Variants in DLGAP4 observed in about 807,000 individuals in gnomAD.
The protein encoded by DLGAP4 is DLG associated protein 4.
Under a neutral mutation model 86.9 loss-of-function variants are expected in DLGAP4, and 18 were observed. The observed-to-expected ratio is 0.21, with a 90% CI of 0.14 to 0.31. The LOEUF is 0.31. DLGAP4 is among the 10% of genes least tolerant of loss of function. DLGAP4 has a pLI of 1.00. For missense variants in DLGAP4, 1,085 were observed against 1,362.6 expected, an observed-to-expected ratio of 0.80 and a Z score of 3.21; for synonymous variants, 548 against 574.3, an observed-to-expected ratio of 0.95 and a Z score of 0.65.
At chr20:36,331,327 G>T (rs1006764819) in intron 1 of DLGAP4, among the ~76,000 whole-genome samples, 1 of 152,234 alleles carries the variant, frequency 6.6e-6, no homozygotes, top group Non-Finnish European at 1.5e-5. Context: ...CCCAGCCACC[G>T]GGAGGCCCAT....
chr20:36,386,600 G>C (rs1364468130), intron 2 of DLGAP4, among the ~76,000 whole-genome samples: 3 of 152,068 alleles, frequency 2.0e-5, no homozygotes. Flanking sequence ...TTGGGGGAAG[G>C]GGGAGACAGG....
chr20:36,499,614 AGAG>A lies in DLGAP4; in HGVS notation c.2041_2043del (p.Glu681del), dbSNP rs1485530944. 4.3e-6 allele frequency: 7 copies of A among 1,613,922 alleles called. 1 individual carries two copies. The highest frequency in any genetic ancestry group is 5.9e-6 in the Non-Finnish European group (7 of 1,180,012). On this transcript the variant is annotated inframe_deletion, in exon 9 of 13. Coordinates refer to ENST00000339266, the MANE Select transcript of DLGAP4 (RefSeq NM_001365621.2). ...TTGACTGCATTCAGCCAGTGCCAAA[AGAG>A]GAGCCCAGTCCCGCTACCAAATTCC... is the stretch of plus-strand genomic sequence containing the variant.
chr20:36,455,326 T>C, intron 7 of DLGAP4, among the ~76,000 whole-genome samples: 1 of 151,878 alleles, frequency 6.6e-6, no homozygotes, highest in East Asian at 1.9e-4. Flanking sequence ...CTCCCCGTCC[T>C]CCCTTTCTGT....
chr20:36,517,345 T>A (rs1422589946), intron 10 of DLGAP4, among the ~76,000 whole-genome samples: 1 of 152,114 alleles, frequency 6.6e-6, no homozygotes, highest in African/African-American at 2.4e-5. Flanking sequence ...GCCACTGCAC[T>A]CCAGTCTGGA....
At chr20:36,453,223 C>T (rs1386320750) in intron 7 of DLGAP4, among the ~76,000 whole-genome samples, 1 of 152,152 alleles carries the variant, frequency 6.6e-6, no homozygotes, top group Non-Finnish European at 1.5e-5. Flanking sequence ...ATCCCAGCAC[C>T]GTAGGGAGGA....
At chr20:36,387,360 AC>A (rs997281942) in intron 2 of DLGAP4, among the ~76,000 whole-genome samples, 1 of 152,194 alleles carries the variant, frequency 6.6e-6, no homozygotes, top group African/African-American at 2.4e-5. Context: ...TTTATGCGTC[AC>A]ATCTTTTTCT....
intron 2 of DLGAP4, among the ~76,000 whole-genome samples, chr20:36,406,497 G>A (rs1007327952): frequency 6.6e-5 from 10 of 151,820 alleles, no homozygotes; most frequent in Admixed American, 1.3e-4. Context: ...TCACAGGGCT[G>A]GGTCTGTTCT....
At chr20:36,456,929 C>G (rs1235807769) in intron 7 of DLGAP4, among the ~76,000 whole-genome samples, 1 of 152,232 alleles carries the variant, frequency 6.6e-6, no homozygotes, top group Non-Finnish European at 1.5e-5. Context: ...AGCACCTGAG[C>G]CTTGCAATCA....
In DLGAP4 at chr20:36,509,336, C is replaced by T. The variant is rs144158559; in HGVS notation, c.2512+8725C>T. On this transcript the variant is annotated intron_variant, in intron 10 of 12. Transcript: ENST00000339266. ...TTATAATCCCAGCACTTTGGGAGGC[C>T]GAGGCGGGAGGATCACCTGAGATCA... Among the ~76,000 whole-genome samples, 355 of 152,130 alleles carry T rather than the reference C, an allele frequency of 2.3e-3. 7 individuals carry two copies. The East Asian group carries it at 0.063, about 27-fold the overall frequency.
At chr20:36,348,213 T>C (rs531537000) in intron 1 of DLGAP4, among the ~76,000 whole-genome samples, 2 of 152,358 alleles carry the variant, frequency 1.3e-5, no homozygotes, top group South Asian at 2.1e-4. Flanking sequence ...GGAGTTCAGT[T>C]ACTGAAGAAG....
intron 12 of DLGAP4, among the ~76,000 whole-genome samples, chr20:36,526,542 A>G (rs1383272390): frequency 6.6e-6 from 1 of 151,898 alleles, no homozygotes; most frequent in Non-Finnish European, 1.5e-5. Flanking sequence ...GCTCCCGGTG[A>G]TTCAACATGA....
At chr20:36,337,022 G>A (rs1555892161) in intron 1 of DLGAP4, among the ~76,000 whole-genome samples, 1 of 152,208 alleles carries the variant, frequency 6.6e-6, no homozygotes, top group African/African-American at 2.4e-5. Flanking sequence ...GAGGAAGGCG[G>A]AGGGAGCTGG....
intron 2 of DLGAP4, among the ~76,000 whole-genome samples, chr20:36,399,063 CAT>C (rs2032080059): frequency 6.6e-6 from 1 of 152,118 alleles, no homozygotes; most frequent in South Asian, 2.1e-4. Flanking sequence ...CATGGTGGTG[CAT>C]ATCTGTAATC....
At chr20:36,475,047 G>A (rs2034847691) in intron 7 of DLGAP4, among the ~76,000 whole-genome samples, 1 of 152,106 alleles carries the variant, frequency 6.6e-6, no homozygotes. Flanking sequence ...AGGCAGTCAA[G>A]GGCCGACTGG....
chr20:36,424,133 G>A (rs149816490), intron 2 of DLGAP4, among the ~76,000 whole-genome samples: 7 of 152,298 alleles, frequency 4.6e-5, no homozygotes, highest in African/African-American at 1.4e-4. Flanking sequence ...TGCATGAGAA[G>A]TTTCCTGGGA....
At chr20:36,365,742 T>C (rs1555894591) in intron 1 of DLGAP4, among the ~76,000 whole-genome samples, 1 of 152,206 alleles carries the variant, frequency 6.6e-6, no homozygotes, top group Admixed American at 6.5e-5. Context: ...TAAGGAGAGA[T>C]GGTGAGGCCT....
chr20:36,432,827 T>C lies in DLGAP4; in HGVS notation c.999+111T>C. 7.2e-7 allele frequency: 1 copy of C among 1,385,724 alleles called. No individual in the cohort carries two copies. Among genetic ancestry groups the C allele is most frequent in the Admixed American group, 2.3e-5 (1 of 44,092 alleles). The allele number at this position is 1,385,724 out of a possible 1,614,324, so 85.8% of individuals were successfully genotyped here. ...GGAAAGTCACTTCATTCTGGGCCTC[T>C]GTGGCTCAGCTATAAAATGGGTGGC... On this transcript the variant is annotated intron_variant, in intron 3 of 12. Transcript: ENST00000339266. This position sits in a 1 kb window ranked among gnomAD's most constrained non-coding sequence, Gnocchi z 6.5.
At chr20:36,374,421 T>G (rs2031070262) in intron 2 of DLGAP4, among the ~76,000 whole-genome samples, 1 of 152,122 alleles carries the variant, frequency 6.6e-6, no homozygotes, top group Admixed American at 6.5e-5. Context: ...AAACAATGTG[T>G]CAAAGTCCCA....
chr20:36,497,383 C>T (rs887401603), intron 8 of DLGAP4: 7 of 1,199,926 alleles, frequency 5.8e-6, no homozygotes, highest in African/African-American at 4.6e-5. Flanking sequence ...CTGTCCACTC[C>T]ACCCTTTGCC....
Sources: gnomAD v4.1 joint callset for allele counts (sites outside exome capture counted in the v4.1 genomes callset) on GRCh38, gnomAD v4.1.1 for gene constraint, Gnocchi (gnomAD v3.1) non-coding constraint, MANE v1.5 for transcripts, NCBI Gene and HGNC (gene_info 2026-07-23, HGNC 2026-07-21) for gene names.